Variants in RAB27B observed in about 807,000 individuals in gnomAD.
RAB27B encodes RAB27B, member RAS oncogene family, also known as ras-related protein Rab-27B.
In RAB27B, 15 loss-of-function variants were observed where a neutral mutation model predicts 24.6. The ratio of observed to expected loss-of-function variants is 0.61; its 90% CI spans 0.41 to 0.94. The LOEUF (loss-of-function observed/expected upper bound fraction) is 0.94, where lower values mean the gene tolerates loss of function less well. Ranked by LOEUF, RAB27B falls within the 40% of genes least tolerant of loss-of-function variation. The pLI, the probability that RAB27B is intolerant of heterozygous loss-of-function variation, is 0.00. For missense variants in RAB27B, 261 were observed against 266.8 expected (o/e 0.98, Z 0.15); for synonymous variants, 105 against 92.5 (o/e 1.14, Z -0.78).
intron 2 of RAB27B, among the ~76,000 whole-genome samples, chr18:54,795,823 A>G (rs10469207): frequency 0.94 from 142,827 of 152,230 alleles, 67,706 homozygotes; most frequent in East Asian, 1. Context: ...CTTAAATATC[A>G]CATTGGAATG....
intron 1 of RAB27B, 28 bp downstream of exon 1, chr18:54,828,728 C>G (rs924880061): frequency 3.3e-5 from 5 of 152,544 alleles, no homozygotes; most frequent in African/African-American, 1.2e-4. Context: ...GCTGCTGCTG[C>G]TGGAACGCGT....
chr18:54,755,221 C>T (rs1250553122), intron 2 of RAB27B, among the ~76,000 whole-genome samples: 1 of 152,076 alleles, frequency 6.6e-6, no homozygotes, highest in Non-Finnish European at 1.5e-5. Flanking sequence ...GAAACCCCGT[C>T]TCTACTAAAA....
intron 2 of RAB27B, among the ~76,000 whole-genome samples, chr18:54,723,575 T>A (rs777167979): frequency 1.3e-5 from 2 of 152,080 alleles, no homozygotes; most frequent in African/African-American, 2.4e-5. Flanking sequence ...TAATAAAAAA[T>A]TTTATTAAGA....
At chr18:54,884,982 TC>T (rs1198574338) in intron 4 of RAB27B, among the ~76,000 whole-genome samples, 3 of 152,136 alleles carry the variant, frequency 2.0e-5, no homozygotes, top group Non-Finnish European at 4.4e-5. Flanking sequence ...AAAAAGGGGT[TC>T]AAATGTGAGG....
intron 1 of RAB27B, among the ~76,000 whole-genome samples, chr18:54,831,941 A>G (rs1295380936): frequency 6.6e-6 from 1 of 152,072 alleles, no homozygotes; most frequent in Non-Finnish European, 1.5e-5. Context: ...ATGCCCAGCT[A>G]ATTTTTCTAT....
chr18:54,797,493 G>C (rs11151991), intron 2 of RAB27B, among the ~76,000 whole-genome samples: 7,677 of 152,208 alleles, frequency 0.05, 253 homozygotes, highest in Admixed American at 0.091. Flanking sequence ...TCCAATTTGG[G>C]CCACAGAGTG....
intron 2 of RAB27B, among the ~76,000 whole-genome samples, chr18:54,818,859 A>G (rs1910204004): frequency 6.6e-6 from 1 of 152,224 alleles, no homozygotes; most frequent in Non-Finnish European, 1.5e-5. Flanking sequence ...CATAAAACTC[A>G]TCTCTTCTGT....
Position 54,889,822 on chromosome 18 carries a change from A to G in RAB27B, c.*409A>G, listed in dbSNP as rs1158146218. The G allele has an allele frequency of 6.5e-6, 1 of 154,536 alleles. No individual in the cohort carries two copies. The highest frequency in any genetic ancestry group is 1.4e-5 in the Non-Finnish European group (1 of 69,674). The allele number at this position is 154,536 out of a possible 1,614,324, so 9.6% of individuals were successfully genotyped here. A position where few individuals can be genotyped will look rare whatever the true frequency, so the allele number is the denominator to read the frequency against. On this transcript the variant is annotated 3_prime_UTR_variant, in exon 6 of 6. Coordinates refer to ENST00000262094, the MANE Select transcript of RAB27B (RefSeq NM_004163.4). ...TTCTAAAATATTGGATTTACTTCTT[A>G]TATTGAGTCAGATGCATACTTTTAG...
At chr18:54,745,347 G>C (rs1910203290) in intron 2 of RAB27B, 1 of 173,692 alleles carries the variant, frequency 5.8e-6, no homozygotes, top group Non-Finnish European at 1.3e-5. Flanking sequence ...TACTTCTACA[G>C]GGATCCTGAA....
intron 2 of RAB27B, among the ~76,000 whole-genome samples, chr18:54,789,176 T>C (rs1909176358): frequency 6.6e-6 from 1 of 152,200 alleles, no homozygotes; most frequent in Non-Finnish European, 1.5e-5. Context: ...TTTCAGTTCT[T>C]ATTGATGATC....
chr18:54,830,620 T>A (rs549336409), intron 1 of RAB27B, among the ~76,000 whole-genome samples: 36 of 152,098 alleles, frequency 2.4e-4, no homozygotes, highest in East Asian at 2.1e-3. Context: ...ATTTTTTTTT[T>A]AAATTCATTA....
Position 54,894,244 on chromosome 18 carries a change from C to T in RAB27B, c.*4831C>T, listed in dbSNP as rs1176984757. The T allele has an allele frequency of 1.3e-5, 2 of 151,794 alleles. No individual in the cohort carries two copies. Among genetic ancestry groups the T allele is most frequent in the African/African-American group, 4.8e-5 (2 of 41,372 alleles). 9.4% of individuals were successfully genotyped at this position (151,794 alleles called of 1,614,324 possible). ...AAACTTTAGTGCCAAAATAGTGGAA[C>T]TATTTTGTCATCTTTTGAGAAAAAA... On this transcript the variant is annotated 3_prime_UTR_variant, in exon 6 of 6. Coordinates refer to ENST00000262094, the MANE Select transcript of RAB27B (RefSeq NM_004163.4).
At chr18:54,798,529 T>C (rs1188534560) in intron 2 of RAB27B, among the ~76,000 whole-genome samples, 1 of 152,188 alleles carries the variant, frequency 6.6e-6, no homozygotes, top group Non-Finnish European at 1.5e-5. Context: ...AGTATTTGAG[T>C]CTCTTCACAT....
chr18:54,800,984 T>C (rs1909582543), intron 2 of RAB27B, among the ~76,000 whole-genome samples: 1 of 150,588 alleles, frequency 6.6e-6, no homozygotes, highest in African/African-American at 2.4e-5. Flanking sequence ...AGTTGTTGAA[T>C]TTTTAAATTT....
At chr18:54,864,173 G>C (rs1598972234) in intron 1 of RAB27B, among the ~76,000 whole-genome samples, 1 of 152,150 alleles carries the variant, frequency 6.6e-6, no homozygotes, top group South Asian at 2.1e-4. Flanking sequence ...ACCAACACTT[G>C]TTACTGTCCA....
chr18:54,768,349 G>A lies in RAB27B; in HGVS notation c.-20+50208G>A, dbSNP rs541256709. On this transcript the variant is annotated intron_variant, in intron 2 of 4. Coordinates refer to the RAB27B transcript ENST00000586570. ...TGTGGCAATGGCTGCATGGTGAAAG[G>A]TATTGAATGGCAAACAAATTTTAAT... Among the ~76,000 whole-genome samples the A allele has an allele frequency of 2.0e-5, 3 of 152,232 alleles. No individual in the cohort carries two copies. In the South Asian group the frequency reaches 6.2e-4, roughly 32 times the overall value.
At chr18:54,791,307 C>CTTA (rs1909239315) in intron 2 of RAB27B, among the ~76,000 whole-genome samples, 1 of 152,142 alleles carries the variant, frequency 6.6e-6, no homozygotes, top group Non-Finnish European at 1.5e-5. Flanking sequence ...GGTGCGGTGG[C>CTTA]TTATGCCTGT....
At chr18:54,751,090 AG>A (rs1907815703) in intron 2 of RAB27B, among the ~76,000 whole-genome samples, 1 of 152,334 alleles carries the variant, frequency 6.6e-6, no homozygotes, top group South Asian at 2.1e-4. Context: ...TGAAGTTAAG[AG>A]GGCAGTCAGA....
chr18:54,851,620 G>C (rs886986041), intron 1 of RAB27B, among the ~76,000 whole-genome samples: 33 of 152,182 alleles, frequency 2.2e-4, no homozygotes, highest in African/African-American at 7.5e-4. Flanking sequence ...GAATTTTATT[G>C]GCTAAACCTG....
Sources: allele counts gnomAD v4.1 joint callset (sites outside exome capture counted in the v4.1 genomes callset), GRCh38; gene constraint gnomAD v4.1.1; transcripts MANE v1.5; gene names NCBI Gene and HGNC (gene_info 2026-07-23, HGNC 2026-07-21).